The following PLEKHJ1 variants were observed in gnomAD, a reference collection of about 807,000 sequenced individuals.
The protein encoded by PLEKHJ1 is pleckstrin homology domain-containing family J member 1.
Under a neutral mutation model 21.7 loss-of-function variants are expected in PLEKHJ1, and 20 were observed. The observed-to-expected ratio is 0.92, with a 90% CI of 0.65 to 1.34. PLEKHJ1 has a LOEUF of 1.34. Ranked by LOEUF, PLEKHJ1 falls within the 40% of genes most tolerant of loss-of-function variation. PLEKHJ1 has a pLI of 0.00. For missense variants in PLEKHJ1, 241 were observed against 202.0 expected (o/e 1.19, Z -1.17); for synonymous variants, 113 against 80.6 (o/e 1.40, Z -2.15).
chr19:2,230,491 G>A, downstream of PLEKHJ1: 1 of 399,032 alleles, frequency 2.5e-6, no homozygotes. Context: ...CTGCGCGATG[G>A]TGCTGTGAGG....
In PLEKHJ1 at chr19:2,233,185, C is replaced by T. The variant is rs567726902; in HGVS notation, c.*655G>A. 6.6e-6 allele frequency: 1 copy of T among 151,694 alleles called. No homozygotes were observed. Among genetic ancestry groups the T allele is most frequent in the South Asian group, 2.1e-4 (1 of 4,810 alleles). The allele number at this position is 151,694 out of a possible 1,614,324, so 9.4% of individuals were successfully genotyped here. ...AAGAGGTACCTTTATTTGAACAGAA[C>T]AAGCACCCTGGCCCCAGGGCAACCA... On this transcript the variant is annotated 3_prime_UTR_variant, in exon 6 of 6. Coordinates refer to ENST00000326631, the MANE Select transcript of PLEKHJ1 (RefSeq NM_018049.3).
chr19:2,232,222 A>G (rs740406), downstream of PLEKHJ1: 29,773 of 219,894 alleles, frequency 0.14, 3,204 homozygotes, highest in African/African-American at 0.31. Flanking sequence ...GAACCCTAAA[A>G]ACTAGGATAC....
Position 2,236,303 on chromosome 19 carries a change from C to A in PLEKHJ1, c.-55G>T. 8.6e-7 allele frequency: 1 copy of A among 1,161,930 alleles called. No homozygotes were observed. Among genetic ancestry groups the A allele is most frequent in the South Asian group, 2.3e-5 (1 of 44,208 alleles). 72.0% of individuals were successfully genotyped at this position (1,161,930 alleles called of 1,614,324 possible). A position where few individuals can be genotyped will look rare whatever the true frequency, so the allele number is the denominator to read the frequency against. Reference sequence around the variant, plus strand: ...CGCCCTCCCGGCCGCCGTCCCCGCTCAGGCTGGGGCCGGCGCCAAAAATGT... The same window carrying A: ...CGCCCTCCCGGCCGCCGTCCCCGCTAAGGCTGGGGCCGGCGCCAAAAATGT... On this transcript the variant is annotated 5_prime_UTR_variant, in exon 1 of 6. Transcript: ENST00000326631.
rs527473582 is a variant in PLEKHJ1, at chr19:2,233,482, C to T, written c.*358G>A. On this transcript the variant is annotated 3_prime_UTR_variant, in exon 6 of 6. Coordinates refer to ENST00000326631, the MANE Select transcript of PLEKHJ1 (RefSeq NM_018049.3). ...AGGTGGATCCTGGGGCCCCAGGGAG[C>T]GCAGCTTGCTGGGCAGTTTCATAAA... 417 of 299,780 alleles carry T rather than the reference C, an allele frequency of 1.4e-3. 4 individuals carry two copies. Among genetic ancestry groups the T allele is most frequent in the African/African-American group, 6.7e-3 (310 of 46,180 alleles). The allele number at this position is 299,780 out of a possible 1,614,324, so 18.6% of individuals were successfully genotyped here. A position where few individuals can be genotyped will look rare whatever the true frequency, so the allele number is the denominator to read the frequency against.
At chr19:2,230,158 C>G (rs1425607676), downstream of PLEKHJ1, 1 of 504,320 alleles carries the variant, frequency 2.0e-6, no homozygotes. Context: ...CAGCCTGCCC[C>G]GGTGCTATCT....
rs757163102 is a variant in PLEKHJ1 at position 2,236,135 on chromosome 19, G to A, written c.94+20C>T. 5.5e-6 allele frequency: 8 copies of A among 1,464,370 alleles called. No homozygotes were observed. The highest frequency in any genetic ancestry group is 2.2e-4 in the Middle Eastern group (1 of 4,464). The allele number at this position is 1,464,370 out of a possible 1,614,324, so 90.7% of individuals were successfully genotyped here. On this transcript the variant is annotated intron_variant, in intron 1 of 5. Coordinates refer to ENST00000326631, the MANE Select transcript of PLEKHJ1 (RefSeq NM_018049.3). ...GCCTCCCGCCCCTGGCACTGTCTCGGTCTCCCGGGTCCCGCTCACCGCTGC... is the reference window on the plus strand; with the variant it reads ...GCCTCCCGCCCCTGGCACTGTCTCGATCTCCCGGGTCCCGCTCACCGCTGC...
chr19:2,232,599 T>G, downstream of PLEKHJ1: 1 of 193,398 alleles, frequency 5.2e-6, no homozygotes, highest in Non-Finnish European at 1.1e-5. Flanking sequence ...ATGGCAGCCT[T>G]TCTTCCAGGT....
chr19:2,236,277 G>T lies in PLEKHJ1; in HGVS notation c.-29C>A. 1 of 1,310,420 alleles carries T rather than the reference G, an allele frequency of 7.6e-7. No individual in the cohort carries two copies. The highest frequency in any genetic ancestry group is 9.8e-7 in the Non-Finnish European group (1 of 1,018,644). The allele number at this position is 1,310,420 out of a possible 1,614,324, so 81.2% of individuals were successfully genotyped here. ...TCCGCGGGGAACGGGAACCCGGGCC[G>T]CGCCCTCCCGGCCGCCGTCCCCGCT... On this transcript the variant is annotated 5_prime_UTR_variant, in exon 1 of 6. Transcript: ENST00000326631.
Position 2,235,825 on chromosome 19 carries a change from CGGGCTGGA to C in PLEKHJ1, c.163-5_165del, listed in dbSNP as rs760717527. 9 of 1,556,308 alleles carry C rather than the reference CGGGCTGGA, an allele frequency of 5.8e-6. No homozygotes were observed. The highest frequency in any genetic ancestry group is 7.8e-6 in the Non-Finnish European group (9 of 1,150,474). ...CAGCGCTCCAGCAGCAGGGCTCCGA[CGGGCTGGA>C]GGAGACACGGGCGCCGGGACGGGGC... On this transcript the variant is annotated splice_acceptor_variant and splice_polypyrimidine_tract_variant and coding_sequence_variant and intron_variant, in exon 3 of 6. Transcript: ENST00000326631. LOFTEE classifies it high-confidence loss of function.
At chr19:2,230,376 C>T (rs1439634023), downstream of PLEKHJ1, 4 of 407,812 alleles carry the variant, frequency 9.8e-6, no homozygotes, top group African/African-American at 8.2e-5. Flanking sequence ...CTGAGCTCTT[C>T]ACCTTTACCC....
downstream of PLEKHJ1, chr19:2,230,006 T>C: frequency 1.3e-6 from 1 of 743,628 alleles, no homozygotes; most frequent in Non-Finnish European, 2.1e-6. Flanking sequence ...TTTATCATTT[T>C]TTAAAAAGTA....
chr19:2,235,892 G>C (rs2024794745), intron 2 of PLEKHJ1, 31 bp downstream of exon 2: 1 of 1,601,768 alleles, frequency 6.2e-7, no homozygotes, highest in African/African-American at 1.3e-5. Flanking sequence ...GCCCAGCCTG[G>C]GACCCGCCCG....
rs780744002 is a variant in PLEKHJ1, at chr19:2,235,910, G to T, written c.162+13C>A. The T allele has an allele frequency of 1.7e-5, 28 of 1,607,696 alleles. No individual in the cohort carries two copies. ...CAGCCTGGGACCCGCCCGCGCGCCC[G>T]GGACGCCCCTACCTCGGCCTCGTCT... On this transcript the variant is annotated intron_variant, in intron 2 of 5. Transcript: ENST00000326631.
chr19:2,232,152 G>T, downstream of PLEKHJ1: 1 of 224,806 alleles, frequency 4.4e-6, no homozygotes, highest in South Asian at 1.8e-4. Context: ...CTGTGCTGCT[G>T]CTGCTGACTG....
rs1176713290 is a variant in PLEKHJ1 at position 2,233,853 on chromosome 19, C to T, written c.437G>A (p.Gly146Asp). ...ISEEARFQLS[G>D]LQA ...CGTGCCCTGCGCTCACGCCTGCAAG[C>T]CACTCAGCTGGAACCTGGCCTCCTC... The change falls in exon 6 of 6, where the codon GGC (glycine) becomes GAC (aspartate). Residue 146 changes from glycine (G) to aspartate (D), a missense_variant. Gly to Asp is a moderately conservative substitution (Grantham distance 94, BLOSUM62 -1). Transcript: ENST00000326631. The T allele has an allele frequency of 2.5e-6, 4 of 1,610,564 alleles. No homozygotes were observed. Among genetic ancestry groups the T allele is most frequent in the Non-Finnish European group, 2.5e-6 (3 of 1,179,418 alleles).
chr19:2,230,660 T>G (rs2024561410), downstream of PLEKHJ1: 2 of 398,494 alleles, frequency 5.0e-6, no homozygotes, highest in Admixed American at 4.4e-5. Context: ...TTTATAGAGA[T>G]GTGATGAGAA....
At chr19:2,230,694 A>G (rs1293089211), downstream of PLEKHJ1, 7 of 397,850 alleles carry the variant, frequency 1.8e-5, no homozygotes, top group Non-Finnish European at 3.1e-5. Flanking sequence ...TAGATTTGAC[A>G]GCTTTTATTT....
chr19:2,233,930 A>G, intron 5 of PLEKHJ1, 25 bp from the exon 6 acceptor site: 1 of 1,612,584 alleles, frequency 6.2e-7, no homozygotes, highest in South Asian at 1.1e-5. Context: ...GGTGGCCATG[A>G]GCCAGGGCTG....
At chr19:2,233,959 C>T (rs995975914) in intron 5 of PLEKHJ1, 39 bp downstream of exon 5, 14 of 1,611,788 alleles carry the variant, frequency 8.7e-6, no homozygotes, top group African/African-American at 4.0e-5. Flanking sequence ...CCTCTGCCAC[C>T]TGCAGCCCCA....
Sources: allele counts gnomAD v4.1 joint callset, GRCh38; gene constraint gnomAD v4.1.1; transcripts MANE v1.5; gene names NCBI Gene and HGNC (gene_info 2026-07-23, HGNC 2026-07-21).